LRP1B: variants seen among roughly 807,000 people sequenced by gnomAD.
The protein encoded by LRP1B is low-density lipoprotein receptor-related protein 1B.
A neutral mutation model predicts 556.6 loss-of-function variants in LRP1B; 217 were observed. The observed-to-expected ratio is 0.39, with a 90% confidence interval of 0.35 to 0.44. The LOEUF (loss-of-function observed/expected upper bound fraction) is 0.44, where lower values mean the gene tolerates loss of function less well. LRP1B is among the 20% of genes least tolerant of loss of function. The pLI, the probability that LRP1B is intolerant of heterozygous loss-of-function variation, is 1.00. For synonymous variants in LRP1B, 2,047 were observed against 1,865.8 expected (o/e 1.10, Z -2.50); for missense variants, 5,053 against 5,620.8 (o/e 0.90, Z 3.23).
intron 3 of LRP1B, among the ~76,000 whole-genome samples, chr2:141,311,195 T>C (rs1242553069): frequency 2.0e-5 from 3 of 152,210 alleles, no homozygotes; most frequent in Non-Finnish European, 2.9e-5. Context: ...AATAGAGAAC[T>C]CTAGTAGATG....
At chr2:140,835,480 T>G (rs898711395) in intron 31 of LRP1B, among the ~76,000 whole-genome samples, 1 of 152,144 alleles carries the variant, frequency 6.6e-6, no homozygotes, top group Non-Finnish European at 1.5e-5. Flanking sequence ...TCCAAGTCAC[T>G]ATTCCTTTCT....
At chr2:141,957,370 G>C (rs571358295) in intron 1 of LRP1B, among the ~76,000 whole-genome samples, 1 of 85,362 alleles carries the variant, frequency 1.2e-5, no homozygotes, top group Non-Finnish European at 2.2e-5. Flanking sequence ...TGGATGGTTC[G>C]TGTTTGTGTG....
chr2:141,818,531 CTT>C (rs70994453), intron 1 of LRP1B, among the ~76,000 whole-genome samples: 1 of 82,070 alleles, frequency 1.2e-5, no homozygotes, highest in Admixed American at 1.7e-4. Flanking sequence ...ATTTCTGTAT[CTT>C]TTTTTTTTTT....
At position 140,566,771 on chromosome 2, in the gene LRP1B, C is replaced by A. The variant is rs545452476; in HGVS notation, c.7195-24800G>T. 5.9e-5 allele frequency among the ~76,000 whole-genome samples: 9 copies of A among 152,268 alleles called. 1 individual carries two copies. Among genetic ancestry groups the A allele is most frequent in the South Asian group, 2.1e-4 (1 of 4,832 alleles). ...GTGCCTGAGCTGAAGCAGTATCACA[C>A]CTCCTGGGAAAACATACTGTACCCT... On this transcript the variant is annotated intron_variant, in intron 43 of 90. Coordinates refer to ENST00000389484, the MANE Select transcript of LRP1B (RefSeq NM_018557.3).
chr2:140,501,594 CTTTTAACTT>C, intron 55 of LRP1B, 84 bp downstream of exon 55: 1 of 861,150 alleles, frequency 1.2e-6, no homozygotes. Context: ...ATTATGATGG[CTTTTAACTT>C]TTTCATCTAT....
chr2:141,922,753 A>C (rs1700224962), intron 1 of LRP1B, among the ~76,000 whole-genome samples: 2 of 152,124 alleles, frequency 1.3e-5, no homozygotes, highest in African/African-American at 2.4e-5. Context: ...CACATATTTC[A>C]CTGAGAAGCT....
At chr2:141,281,441 G>T (rs779157442) in intron 3 of LRP1B, among the ~76,000 whole-genome samples, 1 of 152,004 alleles carries the variant, frequency 6.6e-6, no homozygotes, top group Non-Finnish European at 1.5e-5. Flanking sequence ...TATAAAATGA[G>T]TCTTATATAA....
chr2:142,056,310 A>G (rs1484754395), intron 1 of LRP1B, among the ~76,000 whole-genome samples: 2 of 149,486 alleles, frequency 1.3e-5, no homozygotes, highest in Non-Finnish European at 3.0e-5. Flanking sequence ...TGGAAAAAAG[A>G]TATAGTGTGC....
chr2:141,285,558 C>T (rs1276007846), intron 3 of LRP1B, among the ~76,000 whole-genome samples: 8 of 144,112 alleles, frequency 5.6e-5, no homozygotes, highest in Middle Eastern at 3.5e-3. Flanking sequence ...CAGGTTCAAG[C>T]GATTCTCCTG....
intron 2 of LRP1B, among the ~76,000 whole-genome samples, chr2:141,541,069 C>T (rs1481920642): frequency 6.6e-6 from 1 of 151,920 alleles, no homozygotes; most frequent in Non-Finnish European, 1.5e-5. Context: ...TCCCTCCAAA[C>T]AAGGAGCTTT....
intron 18 of LRP1B, among the ~76,000 whole-genome samples, chr2:140,978,838 C>T (rs1696681612): frequency 6.6e-6 from 1 of 152,256 alleles, no homozygotes; most frequent in Admixed American, 6.5e-5. Flanking sequence ...GGTACTGATA[C>T]TAACCCATGC....
intron 60 of LRP1B, among the ~76,000 whole-genome samples, chr2:140,470,116 A>G (rs1236722007): frequency 6.6e-6 from 1 of 152,230 alleles, no homozygotes; most frequent in Non-Finnish European, 1.5e-5. Context: ...TAAAATGCAC[A>G]GTACAAGGTA....
At chr2:140,936,117 A>G (rs921673335) in intron 20 of LRP1B, among the ~76,000 whole-genome samples, 5 of 151,766 alleles carry the variant, frequency 3.3e-5, no homozygotes, top group Admixed American at 3.3e-4. Flanking sequence ...TGATGGGCAG[A>G]TCACTTGAGG....
At chr2:142,096,728 T>A (rs573075491) in intron 1 of LRP1B, among the ~76,000 whole-genome samples, 5 of 151,816 alleles carry the variant, frequency 3.3e-5, no homozygotes, top group African/African-American at 9.6e-5. Context: ...TATTTATTTA[T>A]TAAACTTGTA....
chr2:140,918,306 T>G (rs1694640720), intron 21 of LRP1B, among the ~76,000 whole-genome samples: 1 of 151,968 alleles, frequency 6.6e-6, no homozygotes, highest in African/African-American at 2.4e-5. Flanking sequence ...TTGAAAGAGT[T>G]TTCTATAACT....
intron 41 of LRP1B, among the ~76,000 whole-genome samples, chr2:140,657,111 C>T (rs1176349461): frequency 6.6e-6 from 1 of 151,720 alleles, no homozygotes; most frequent in Non-Finnish European, 1.5e-5. Context: ...GCATTTATGC[C>T]AATGTGATAT....
At chr2:142,125,592 A>C (rs936955737) in intron 1 of LRP1B, among the ~76,000 whole-genome samples, 15 of 151,808 alleles carry the variant, frequency 9.9e-5, no homozygotes, top group African/African-American at 3.1e-4. Context: ...AAAACTAATA[A>C]GTTTTAAAAA....
chr2:141,955,789 T>C (rs537834120), intron 1 of LRP1B, among the ~76,000 whole-genome samples: 6 of 152,278 alleles, frequency 3.9e-5, no homozygotes, highest in African/African-American at 1.4e-4. Context: ...AGCCTGTCTC[T>C]GCATTTTCCA....
chr2:141,601,216 A>G (rs895518722), intron 2 of LRP1B, among the ~76,000 whole-genome samples: 3 of 151,838 alleles, frequency 2.0e-5, no homozygotes, highest in African/African-American at 7.3e-5. Flanking sequence ...CTATCTATCT[A>G]TCTATCTATC....
Sources: allele counts gnomAD v4.1 joint callset (sites outside exome capture counted in the v4.1 genomes callset), GRCh38; gene constraint gnomAD v4.1.1; transcripts MANE v1.5; gene names NCBI Gene and HGNC (gene_info 2026-07-23, HGNC 2026-07-21).